Variants in PPP1R37 observed in about 807,000 individuals in gnomAD.
PPP1R37 encodes leucine rich repeat containing 68.
In PPP1R37, 21 loss-of-function variants were observed where a neutral mutation model predicts 61.0. The ratio of observed to expected loss-of-function variants is 0.34; its 90% CI spans 0.24 to 0.50. The LOEUF (loss-of-function observed/expected upper bound fraction) is 0.50, where lower values mean the gene tolerates loss of function less well. Among genes scored for constraint, PPP1R37 ranks in the 20% least tolerant of loss-of-function variants. The probability of loss-of-function intolerance (pLI) is 0.98; values close to 1 mark genes in which losing one functional copy is unlikely to be tolerated. For synonymous variants in PPP1R37, 443 were observed against 433.5 expected, an observed-to-expected ratio of 1.02 and a Z score of -0.27; for missense variants, 910 against 952.7, an observed-to-expected ratio of 0.96 and a Z score of 0.59.
At position 45,128,265 on chromosome 19, in the gene PPP1R37, C is replaced by T. The variant is rs942273169; in HGVS notation, c.203-10249C>T. 2.6e-5 allele frequency among the ~76,000 whole-genome samples: 4 copies of T among 152,316 alleles called. No individual in the cohort carries two copies. The East Asian group carries it at 7.7e-4, about 29-fold the overall frequency. The stretch of plus-strand genomic sequence containing the variant: ...TTAGCTAATGACAATCCACAGCAGC[C>T]ACAGCCCAGGCCAGCCGACAGAGTT... On this transcript the variant is annotated intron_variant, in intron 1 of 12. Transcript: ENST00000221462.
At position 45,138,565 on chromosome 19, in the gene PPP1R37, A is replaced by G. The variant is rs1301244937; in HGVS notation, c.254A>G (p.Gln85Arg). 1 of 1,525,100 alleles carries G rather than the reference A, an allele frequency of 6.6e-7. No individual in the cohort carries two copies. The highest frequency in any genetic ancestry group is 1.7e-4 in the Middle Eastern group (1 of 5,930). The allele number at this position is 1,525,100 out of a possible 1,614,324, so 94.5% of individuals were successfully genotyped here. A position where few individuals can be genotyped will look rare whatever the true frequency, so the allele number is the denominator to read the frequency against. Residue 85 changes from glutamine (Q) to arginine (R), a missense_variant, in exon 2 of 13, where the codon CAG (glutamine) becomes CGG (arginine). Transcript: ENST00000221462. ...EVIGAYKQAC[Q>R]KLNCRQIPKL... ...ATCGGCGCCTACAAGCAGGCCTGCCAGAAGCTGAACTGCAGGCAGATCCCC... is the reference window on the plus strand; with the variant it reads ...ATCGGCGCCTACAAGCAGGCCTGCCGGAAGCTGAACTGCAGGCAGATCCCC...
chr19:45,146,132 C>T (rs1968696247), intron 11 of PPP1R37, 83 bp downstream of exon 11: 3 of 1,350,970 alleles, frequency 2.2e-6, no homozygotes, highest in Non-Finnish European at 2.9e-6. Flanking sequence ...TTGTGGACCT[C>T]AGTTTCCCCC....
chr19:45,140,324 A>G (rs1260833915), intron 3 of PPP1R37, 43 bp downstream of exon 3: 1 of 1,493,406 alleles, frequency 6.7e-7, no homozygotes, highest in East Asian at 2.6e-5. Context: ...GGTCATGGGC[A>G]GGTCGGGGGC....
At chr19:45,106,616 G>T (rs1968134756) in intron 1 of PPP1R37, among the ~76,000 whole-genome samples, 1 of 151,304 alleles carries the variant, frequency 6.6e-6, no homozygotes, top group South Asian at 2.1e-4. Flanking sequence ...GCTCACTGCA[G>T]CCTCCACCTC....
At position 45,143,605 on chromosome 19, in the gene PPP1R37, C is replaced by G. The variant is rs1599712903; in HGVS notation, c.959C>G (p.Thr320Arg). The change falls in exon 8 of 13, where the codon ACA (threonine) becomes AGA (arginine). Residue 320 changes from threonine (T) to arginine (R), a missense_variant. By Grantham distance (71) the Thr-to-Arg change is moderately conservative. Transcript: ENST00000221462. ...LVLWNNQLTH[T>R]GMAFLGMTLP... ...CTGTGGAACAACCAGCTCACGCACA[C>G]AGGCATGGCCTTCCTGGGCATGACA... 1 of 1,535,252 alleles carries G rather than the reference C, an allele frequency of 6.5e-7. No homozygotes were observed. Among genetic ancestry groups the G allele is most frequent in the Non-Finnish European group, 8.7e-7 (1 of 1,146,128 alleles).
chr19:45,146,165 G>A, intron 11 of PPP1R37, 116 bp downstream of exon 11: 1 of 1,205,574 alleles, frequency 8.3e-7, no homozygotes, highest in Non-Finnish European at 1.1e-6. Flanking sequence ...TTCTCGCAGG[G>A]GCCAGCAAAG....
intron 4 of PPP1R37, 94 bp from the exon 5 acceptor site, chr19:45,141,228 C>T: frequency 1.4e-6 from 2 of 1,390,014 alleles, no homozygotes; most frequent in South Asian, 1.5e-5. Flanking sequence ...GACCCTGGAC[C>T]CATCGTCTCT....
Position 45,145,493 on chromosome 19 carries a change from C to A in PPP1R37, c.1437C>A (p.Ala479=). 1.3e-6 allele frequency: 2 copies of A among 1,534,568 alleles called. No homozygotes were observed. Among genetic ancestry groups the A allele is most frequent in the Non-Finnish European group, 1.7e-6 (2 of 1,146,326 alleles). The change falls in exon 11 of 13, where the codon GCC becomes GCA. Residue 479 remains alanine, a synonymous_variant. Transcript: ENST00000221462. ...CGGCCTCCATGCCTGAGACCACCGC[C>A]ACCGAGCCCCAGCCCGACGACGAGC... is the stretch of plus-strand genomic sequence containing the variant. ...QLSASMPETT[A]TEPQPDDEPA... is the part of the protein sequence containing the mutation.
chr19:45,141,959 G>GCA, intron 5 of PPP1R37, 102 bp from the exon 6 acceptor site: 2 of 1,248,928 alleles, frequency 1.6e-6, no homozygotes, highest in Non-Finnish European at 2.1e-6. Context: ...AGACATGGGG[G>GCA]CACAGGTCCT....
rs1205306229 is a variant in PPP1R37, at chr19:45,146,023, A to AG, written c.1973dup (p.Ser659GlnfsTer37). 2 of 1,531,556 alleles carry AG rather than the reference A, an allele frequency of 1.3e-6. No homozygotes were observed. The highest frequency in any genetic ancestry group is 1.2e-5 in the South Asian group (1 of 83,710). The allele number at this position is 1,531,556 out of a possible 1,614,324, so 94.9% of individuals were successfully genotyped here. On this transcript the variant is annotated frameshift_variant, in exon 11 of 13. Coordinates refer to ENST00000221462, the MANE Select transcript of PPP1R37 (RefSeq NM_019121.2). LOFTEE classifies it high-confidence loss of function. The stretch of plus-strand genomic sequence containing the variant: ...GAGCCGCCCCCGGGGCCTGAGGTCA[A>AG]GGGGGGCAGCTGCGGCCTGGAGCAC...
chr19:45,111,533 C>G (rs1436854510), intron 1 of PPP1R37, among the ~76,000 whole-genome samples: 1 of 152,214 alleles, frequency 6.6e-6, no homozygotes, highest in East Asian at 1.9e-4. Context: ...GCCTCGATCT[C>G]CCAAAGTACT....
chr19:45,124,893 C>T (rs1437184780), intron 1 of PPP1R37, among the ~76,000 whole-genome samples: 1 of 151,628 alleles, frequency 6.6e-6, no homozygotes, highest in Non-Finnish European at 1.5e-5. Flanking sequence ...GTCACTTGAG[C>T]CCAGGAGTGC....
intron 3 of PPP1R37, 52 bp downstream of exon 3, chr19:45,140,333 G>A (rs1968594198): frequency 2.0e-5 from 30 of 1,502,896 alleles, no homozygotes; most frequent in Non-Finnish European, 2.7e-5. Context: ...CAGGTCGGGG[G>A]CTCCCTAGAG....
At chr19:45,145,062 G>T (rs1216771372) in intron 9 of PPP1R37, 32 bp from the exon 10 acceptor site, 1 of 1,524,686 alleles carries the variant, frequency 6.6e-7, no homozygotes, top group Admixed American at 2.0e-5. Context: ...CGGGTGTGGG[G>T]CCCGTGGCCA....
chr19:45,132,385 A>T (rs1830558587), intron 1 of PPP1R37, among the ~76,000 whole-genome samples: 1 of 151,806 alleles, frequency 6.6e-6, no homozygotes, highest in African/African-American at 2.4e-5. Flanking sequence ...AGCTCACTGC[A>T]GCCTCAAACT....
At chr19:45,096,361 A>G (rs1372564586) in intron 1 of PPP1R37, among the ~76,000 whole-genome samples, 1 of 152,158 alleles carries the variant, frequency 6.6e-6, no homozygotes, top group Non-Finnish European at 1.5e-5. Context: ...TCTGGTCTGC[A>G]GATTCCCAGA....
intron 1 of PPP1R37, among the ~76,000 whole-genome samples, chr19:45,134,968 G>T (rs1968520384): frequency 6.6e-6 from 1 of 152,162 alleles, no homozygotes; most frequent in Non-Finnish European, 1.5e-5. Flanking sequence ...GCACCATCTT[G>T]GCTGGGCACG....
intron 1 of PPP1R37, among the ~76,000 whole-genome samples, chr19:45,102,812 C>T (rs911349405): frequency 6.6e-6 from 1 of 152,246 alleles, no homozygotes; most frequent in Non-Finnish European, 1.5e-5. Flanking sequence ...GGAGCACACC[C>T]TGCATCAAGT....
At chr19:45,138,404 G>C (rs1968565427) in intron 1 of PPP1R37, 110 bp from the exon 2 acceptor site, 11 of 698,626 alleles carry the variant, frequency 1.6e-5, no homozygotes, top group South Asian at 9.0e-5. Context: ...GTTGTTGGGG[G>C]AGGGCTGAAG....
Sources: gnomAD v4.1 joint callset for allele counts (sites outside exome capture counted in the v4.1 genomes callset) on GRCh38, gnomAD v4.1.1 for gene constraint, MANE v1.5 for transcripts, NCBI Gene and HGNC (gene_info 2026-07-23, HGNC 2026-07-21) for gene names.